Variants in EIF3M observed in about 807,000 individuals in gnomAD.
The protein encoded by EIF3M is B5 receptor.
In EIF3M, 25 loss-of-function variants were observed where a neutral mutation model predicts 49.7. That is an observed-to-expected ratio of 0.50 (90% confidence interval 0.37 to 0.70). EIF3M has a LOEUF of 0.70. EIF3M is among the 30% of genes least tolerant of loss of function. The pLI is 0.00. For synonymous variants in EIF3M, 156 were observed against 149.8 expected, an observed-to-expected ratio of 1.04 and a Z score of -0.30; for missense variants, 350 against 440.0, an observed-to-expected ratio of 0.80 and a Z score of 1.83.
rs557745504 is a variant in EIF3M at position 32,587,831 on chromosome 11, G to A, written c.175+687G>A. ...AGTTAAGGTTTAGAGATCAAACTTGGATGCTGATTTCGGCAGCACATATAC... is the reference window on the plus strand; with the variant it reads ...AGTTAAGGTTTAGAGATCAAACTTGAATGCTGATTTCGGCAGCACATATAC... On this transcript the variant is annotated intron_variant, in intron 2 of 10. Coordinates refer to ENST00000531120, the MANE Select transcript of EIF3M (RefSeq NM_006360.6). 7.2e-5 allele frequency among the ~76,000 whole-genome samples: 11 copies of A among 152,266 alleles called. No individual in the cohort carries two copies. In the South Asian group the frequency reaches 2.3e-3, roughly 32 times the overall value.
chr11:32,594,810 T>C, intron 6 of EIF3M, 104 bp from the exon 7 acceptor site: 1 of 925,276 alleles, frequency 1.1e-6, no homozygotes, highest in Non-Finnish European at 1.6e-6. Flanking sequence ...TGTTTTGGAC[T>C]GTTAGATATT....
chr11:32,584,296 A>G (rs539599859), intron 1 of EIF3M: 272 of 241,780 alleles, frequency 1.1e-3, no homozygotes, highest in African/African-American at 5.9e-3. Flanking sequence ...GGTAGGGAAA[A>G]GTAATTTTGT....
chr11:32,594,784 T>C (rs1855154227), intron 6 of EIF3M, 130 bp from the exon 7 acceptor site: 2 of 692,216 alleles, frequency 2.9e-6, no homozygotes, highest in Admixed American at 3.3e-5. Context: ...CTGTAGCTTT[T>C]TTAATGTTGT....
intron 2 of EIF3M, 146 bp from the exon 3 acceptor site, chr11:32,588,448 A>C (rs1855038437): frequency 1.2e-6 from 1 of 820,658 alleles, no homozygotes; most frequent in Non-Finnish European, 1.7e-6. Context: ...CTTCCTCTTT[A>C]ATAAAATATA....
intron 1 of EIF3M, among the ~76,000 whole-genome samples, chr11:32,584,533 G>A (rs765684533): frequency 4.1e-5 from 6 of 148,104 alleles, no homozygotes; most frequent in Non-Finnish European, 7.4e-5. Flanking sequence ...GCTTGAACCC[G>A]CGAGGCGGAG....
chr11:32,596,410 A>G (rs2133201120), intron 8 of EIF3M, among the ~76,000 whole-genome samples: 2 of 152,060 alleles, frequency 1.3e-5, no homozygotes, highest in Middle Eastern at 6.8e-3. Context: ...GCTGACTAAC[A>G]TGGTGAAACC....
intron 5 of EIF3M, chr11:32,592,016 G>A (rs529400306): frequency 3.3e-5 from 9 of 269,696 alleles, no homozygotes; most frequent in Middle Eastern, 1.5e-3. Context: ...CACCATACCC[G>A]CCTCTACTAT....
intron 8 of EIF3M, among the ~76,000 whole-genome samples, chr11:32,596,942 A>C (rs175694): frequency 0.73 from 110,873 of 152,012 alleles, 41,309 homozygotes; most frequent in African/African-American, 0.78. Flanking sequence ...ATGACTTGGA[A>C]CCTTTTTGTC....
intron 1 of EIF3M, among the ~76,000 whole-genome samples, chr11:32,584,507 C>G (rs183636385): frequency 6.8e-6 from 1 of 146,140 alleles, no homozygotes; most frequent in African/African-American, 2.5e-5. Flanking sequence ...ACTGCCGAGG[C>G]TGAGGCAAGA....
rs574461384 is a variant in EIF3M at position 32,597,245 on chromosome 11, T to C, written c.799+1198T>C. Among the ~76,000 whole-genome samples, 7 of 152,364 alleles carry C rather than the reference T, an allele frequency of 4.6e-5. No homozygotes were observed. The East Asian group carries it at 1.3e-3, about 29-fold the overall frequency. On this transcript the variant is annotated intron_variant, in intron 8 of 10. Transcript: ENST00000531120. ...TATTCTTAAAATAATATTGTTTCTT[T>C]GTAGAAGACTTTATTCCTTAGATAT...
chr11:32,591,930 C>T, intron 5 of EIF3M: 1 of 271,230 alleles, frequency 3.7e-6, no homozygotes, highest in Non-Finnish European at 7.4e-6. Flanking sequence ...CCCACCACCA[C>T]CGTAATTACC....
rs567363736 is a variant in EIF3M at position 32,593,989 on chromosome 11, T to C, written c.617+40T>C. On this transcript the variant is annotated intron_variant, in intron 6 of 10. Coordinates refer to ENST00000531120, the MANE Select transcript of EIF3M (RefSeq NM_006360.6). ...TACTCTGATGAGGGTTTGACAGCGA[T>C]GTAGAGGTAAGCTACAATATTAAAT... 5 of 1,330,336 alleles carry C rather than the reference T, an allele frequency of 3.8e-6. No individual in the cohort carries two copies. In the South Asian group the frequency reaches 8.9e-5, roughly 24 times the overall value. The allele number at this position is 1,330,336 out of a possible 1,614,324, so 82.4% of individuals were successfully genotyped here. A position where few individuals can be genotyped will look rare whatever the true frequency, so the allele number is the denominator to read the frequency against.
At position 32,602,886 on chromosome 11, in the gene EIF3M, T is replaced by C; in HGVS notation, c.*487T>C. 1 of 1,612,164 alleles carries C rather than the reference T, an allele frequency of 6.2e-7. No homozygotes were observed. The highest frequency in any genetic ancestry group is 1.1e-5 in the South Asian group (1 of 90,400). On this transcript the variant is annotated 3_prime_UTR_variant, in exon 11 of 11. Coordinates refer to ENST00000531120, the MANE Select transcript of EIF3M (RefSeq NM_006360.6). ...TTGGCTGGTTGTCATTTTCTAAACT[T>C]AGTAAATTTTCACTTTTATTTAGTT...
In EIF3M at chr11:32,604,911, G is replaced by A. The variant is rs911261154; in HGVS notation, c.*2512G>A. ...ACTGTCGCCCAGGCTGGAGTGCAGT[G>A]GCGCCATCTCAGCTCACTGCAACCT... On this transcript the variant is annotated 3_prime_UTR_variant, in exon 11 of 11. Coordinates refer to ENST00000531120, the MANE Select transcript of EIF3M (RefSeq NM_006360.6). 5 of 152,132 alleles carry A rather than the reference G, an allele frequency of 3.3e-5. No individual in the cohort carries two copies. The highest frequency in any genetic ancestry group is 2.6e-4 in the Admixed American group (4 of 15,262). 9.4% of individuals were successfully genotyped at this position (152,132 alleles called of 1,614,324 possible). A position where few individuals can be genotyped will look rare whatever the true frequency, so the allele number is the denominator to read the frequency against.
chr11:32,596,911 C>T (rs1334624224), intron 8 of EIF3M, among the ~76,000 whole-genome samples: 1 of 146,790 alleles, frequency 6.8e-6, no homozygotes, highest in Non-Finnish European at 1.5e-5. Flanking sequence ...TCTCAAAAAA[C>T]AAAAAAAAAA....
In EIF3M at chr11:32,584,495, C is replaced by T. The variant is rs1854961769; in HGVS notation, c.42+566C>T. Reference sequence around the variant, plus strand: ...CGGTGGCACGCGCCTGTAGTCCCAGCTACTGCCGAGGCTGAGGCAAGAGAA... The same window carrying T: ...CGGTGGCACGCGCCTGTAGTCCCAGTTACTGCCGAGGCTGAGGCAAGAGAA... On this transcript the variant is annotated intron_variant, in intron 1 of 10. Transcript: ENST00000531120. 2.6e-5 allele frequency among the ~76,000 whole-genome samples: 4 copies of T among 151,284 alleles called. No homozygotes were observed. The South Asian group carries it at 8.4e-4, about 32-fold the overall frequency.
intron 1 of EIF3M, chr11:32,584,238 AG>A: frequency 7.2e-6 from 3 of 417,544 alleles, no homozygotes; most frequent in Non-Finnish European, 1.3e-5. Flanking sequence ...CGTCAAATGC[AG>A]CCACATTCGG....
At chr11:32,592,391 C>A (rs1017627302) in intron 5 of EIF3M, 2 of 548,246 alleles carry the variant, frequency 3.6e-6, no homozygotes, top group Non-Finnish European at 7.0e-6. Flanking sequence ...TTCAATCTTG[C>A]GATACTTTTC....
chr11:32,599,521 G>A (rs533037206), intron 8 of EIF3M, among the ~76,000 whole-genome samples: 3 of 151,896 alleles, frequency 2.0e-5, no homozygotes, highest in Non-Finnish European at 4.4e-5. Context: ...TATTTATGGA[G>A]TGTTTAGAGA....
Sources: gnomAD v4.1 joint callset for allele counts (sites outside exome capture counted in the v4.1 genomes callset) on GRCh38, gnomAD v4.1.1 for gene constraint, MANE v1.5 for transcripts, NCBI Gene and HGNC (gene_info 2026-07-23, HGNC 2026-07-21) for gene names.